The following SSBP4 variants were observed in gnomAD, a reference collection of about 807,000 sequenced individuals.
The protein encoded by SSBP4 is single stranded DNA binding protein 4, also known as single-stranded DNA-binding protein 4.
A neutral mutation model predicts 64.6 loss-of-function variants in SSBP4; 33 were observed. The ratio of observed to expected loss-of-function variants is 0.51; its 90% CI spans 0.39 to 0.68. SSBP4 has a LOEUF of 0.68. Ranked by LOEUF, SSBP4 falls within the 30% of genes least tolerant of loss-of-function variation. The probability of loss-of-function intolerance (pLI) is 0.00; values close to 1 mark genes in which losing one functional copy is unlikely to be tolerated. For synonymous variants in SSBP4, 243 were observed against 224.0 expected (o/e 1.08, Z -0.76); for missense variants, 583 against 566.8 (o/e 1.03, Z -0.29).
At chr19:18,422,156 A>G (rs1267182235) in intron 1 of SSBP4, among the ~76,000 whole-genome samples, 1 of 152,138 alleles carries the variant, frequency 6.6e-6, no homozygotes, top group Non-Finnish European at 1.5e-5. Context: ...GCGAGACTCC[A>G]TCTCAAAAAG....
chr19:18,407,116 C>T, the SSBP4 span, among the ~76,000 whole-genome samples: 7 of 152,010 alleles, frequency 4.6e-5, no homozygotes, highest in African/African-American at 1.7e-4. Flanking sequence ...TGGCTCACTG[C>T]GACCTCTGCC....
the SSBP4 span, among the ~76,000 whole-genome samples, chr19:18,402,986 T>C: frequency 3.3e-5 from 5 of 152,188 alleles, no homozygotes; most frequent in Non-Finnish European, 7.3e-5. Flanking sequence ...GGGAACTGAA[T>C]GTCTCGGTAT....
the SSBP4 span, among the ~76,000 whole-genome samples, chr19:18,407,031 T>TTTA: frequency 1.7e-3 from 261 of 151,912 alleles, no homozygotes; most frequent in Middle Eastern, 6.8e-3. Context: ...TATTTTTTAT[T>TTTA]TTATTATTAT....
chr19:18,405,159 C>T, the SSBP4 span, among the ~76,000 whole-genome samples: 1 of 152,144 alleles, frequency 6.6e-6, no homozygotes, highest in East Asian at 1.9e-4. Flanking sequence ...GGTGCTGCCC[C>T]AAGAACCCTC....
At position 18,433,428 on chromosome 19, in the gene SSBP4, A is replaced by C; in HGVS notation, c.992-157A>C. 3 of 1,372,120 alleles carry C rather than the reference A, an allele frequency of 2.2e-6. No homozygotes were observed. The East Asian group carries it at 7.5e-5, about 34-fold the overall frequency. 85.0% of individuals were successfully genotyped at this position (1,372,120 alleles called of 1,614,324 possible). A position where few individuals can be genotyped will look rare whatever the true frequency, so the allele number is the denominator to read the frequency against. On this transcript the variant is annotated intron_variant, in intron 15 of 17. Transcript: ENST00000270061. ...CTGACCGCCCCTCCCCCCCAGGCCC[A>C]ACCCTCCACCTGGCCTCAGTCCCGG...
Position 18,419,496 on chromosome 19 carries a change from G to A in SSBP4, c.-153G>A, listed in dbSNP as rs1437456118. On this transcript the variant is annotated 5_prime_UTR_variant, in exon 1 of 18. Transcript: ENST00000270061. ...CGCCGCTGCCGCCGCCGCCGCGGCC[G>A]TCTGGAGCTCCCCCGCGCGGACGAT... is the stretch of plus-strand genomic sequence containing the variant. 51 of 1,098,296 alleles carry A rather than the reference G, an allele frequency of 4.6e-5. No homozygotes were observed. The highest frequency in any genetic ancestry group is 1.6e-4 in the East Asian group (3 of 18,236). The allele number at this position is 1,098,296 out of a possible 1,614,324, so 68.0% of individuals were successfully genotyped here.
Position 18,427,865 on chromosome 19 carries a change from C to A in SSBP4, c.195-33C>A. On this transcript the variant is annotated intron_variant, in intron 3 of 17. Transcript: ENST00000270061. This position sits in a 1 kb window ranked among gnomAD's most constrained non-coding sequence, Gnocchi z 4.4. ...CTGTGGAAGGGGGTTGAGGGAGGCA[C>A]GTGGAGCAACCATCTTCCCCTTTGG... 3 of 1,613,906 alleles carry A rather than the reference C, an allele frequency of 1.9e-6. No individual in the cohort carries two copies. The South Asian group carries it at 3.3e-5, about 18-fold the overall frequency.
the SSBP4 span, among the ~76,000 whole-genome samples, chr19:18,412,451 A>ACTCCAT: frequency 8.2e-6 from 1 of 121,504 alleles, no homozygotes; most frequent in Non-Finnish European, 1.6e-5. Context: ...ACAGAATGAG[A>ACTCCAT]CTCCATCTCA....
chr19:18,416,703 A>G (rs1233138279), upstream of SSBP4, among the ~76,000 whole-genome samples: 3 of 152,036 alleles, frequency 2.0e-5, no homozygotes, highest in Non-Finnish European at 4.4e-5. Context: ...TGCCCACCTC[A>G]GGGCCTTGGC....
the SSBP4 span, among the ~76,000 whole-genome samples, chr19:18,410,447 C>A: frequency 6.6e-6 from 1 of 151,886 alleles, no homozygotes; most frequent in African/African-American, 2.4e-5. Context: ...CAGTTTTAAA[C>A]GGGCTAGTCA....
At chr19:18,411,819 G>A in the SSBP4 span, among the ~76,000 whole-genome samples, 7,408 of 152,220 alleles carry the variant, frequency 0.049, 640 homozygotes, top group African/African-American at 0.17. Flanking sequence ...GTACCATCCC[G>A]AGAGGGATGG....
Position 18,432,696 on chromosome 19 carries a change from C to T in SSBP4, c.751-4C>T, listed in dbSNP as rs776997978. 5.1e-6 allele frequency: 8 copies of T among 1,571,568 alleles called. No homozygotes were observed. The highest frequency in any genetic ancestry group is 2.3e-5 in the East Asian group (1 of 44,360). On this transcript the variant is annotated splice_polypyrimidine_tract_variant and splice_region_variant and intron_variant, in intron 11 of 17. Coordinates refer to ENST00000270061, the MANE Select transcript of SSBP4 (RefSeq NM_032627.5). ...TGACTGCTCACAGCTGCCCTTGTCC[C>T]CAGATCCCCTACTCCTCCTCATCCC...
rs374178722 is a variant in SSBP4 at position 18,431,989 on chromosome 19, C to T, written c.566-11C>T. 1.5e-5 allele frequency: 24 copies of T among 1,552,202 alleles called. No individual in the cohort carries two copies. The highest frequency in any genetic ancestry group is 2.0e-5 in the Non-Finnish European group (23 of 1,144,244). ...CCAGGTCCAAGTCCCCTTCCTTCTG[C>T]CCCACCCCAGGGCATCCGAGCATGG... On this transcript the variant is annotated splice_polypyrimidine_tract_variant and intron_variant, in intron 8 of 17. Transcript: ENST00000270061.
chr19:18,408,384 T>C, the SSBP4 span, among the ~76,000 whole-genome samples: 2 of 152,140 alleles, frequency 1.3e-5, no homozygotes, highest in East Asian at 3.9e-4. Context: ...TGGCACCCCC[T>C]GCAGGGCTCC....
chr19:18,430,118 C>T (rs563879779), intron 4 of SSBP4, among the ~76,000 whole-genome samples: 1 of 152,160 alleles, frequency 6.6e-6, no homozygotes, highest in Non-Finnish European at 1.5e-5. Flanking sequence ...TGGGGCTTGG[C>T]CTGGACCATA....
chr19:18,407,762 C>T, the SSBP4 span, among the ~76,000 whole-genome samples: 10 of 151,746 alleles, frequency 6.6e-5, no homozygotes, highest in African/African-American at 1.7e-4. Flanking sequence ...TGTTTTTTGA[C>T]GCAGAGTCTG....
chr19:18,415,349 G>C (rs1279955143), upstream of SSBP4, among the ~76,000 whole-genome samples: 1 of 152,106 alleles, frequency 6.6e-6, no homozygotes, highest in East Asian at 1.9e-4. Flanking sequence ...GCCACCTATG[G>C]AGAAGAAAAA....
At position 18,432,735 on chromosome 19, in the gene SSBP4, C is replaced by A. The variant is rs754811087; in HGVS notation, c.786C>A (p.Thr262=). The A allele has an allele frequency of 1.6e-5, 26 of 1,601,530 alleles. No individual in the cohort carries two copies. The highest frequency in any genetic ancestry group is 2.1e-5 in the Non-Finnish European group (25 of 1,171,314). The change falls in exon 12 of 18, where the codon ACC becomes ACA. Residue 262 remains threonine, a splice_region_variant and synonymous_variant. Transcript: ENST00000270061. ...CCTCCTCATCCCCCGGCAGCTACAC[C>A]GTAAGTCTGAGCAAAGCTGGGTCAC... The part of the protein sequence containing the change: ...PYSSSSPGSY[T]GPPGGGGPPG...
intron 1 of SSBP4, chr19:18,420,254 C>T (rs1179898748): frequency 2.0e-5 from 3 of 152,128 alleles, no homozygotes; most frequent in Non-Finnish European, 4.4e-5. Context: ...TGTGTGGGGC[C>T]CCTGGGGAAG....
Sources: gnomAD v4.1 joint callset for allele counts (sites outside exome capture counted in the v4.1 genomes callset) on GRCh38, gnomAD v4.1.1 for gene constraint, Gnocchi (gnomAD v3.1) non-coding constraint, MANE v1.5 for transcripts, NCBI Gene and HGNC (gene_info 2026-07-23, HGNC 2026-07-21) for gene names.